COL4A2: variants seen among roughly 807,000 people sequenced by gnomAD.
COL4A2 encodes the protein collagen type IV alpha 2 chain, also known as collagen alpha-2(IV) chain.
In COL4A2, 99 loss-of-function variants were observed where a neutral mutation model predicts 200.2. That is an observed-to-expected ratio of 0.49 (90% CI 0.42 to 0.58). The LOEUF is 0.58. COL4A2 is among the 20% of genes least tolerant of loss of function. COL4A2 has a pLI of 0.00. For missense variants in COL4A2, 1,950 were observed against 2,314.1 expected (o/e 0.84, Z 3.23); for synonymous variants, 897 against 900.6 (o/e 1.00, Z 0.07).
intron 4 of COL4A2, among the ~76,000 whole-genome samples, chr13:110,367,448 G>A (rs893673861): frequency 6.6e-6 from 1 of 152,168 alleles, no homozygotes; most frequent in Non-Finnish European, 1.5e-5. Context: ...CTATAGTTAG[G>A]TTGGTCTCTC....
chr13:110,313,573 G>A (rs1430044162), intron 3 of COL4A2, among the ~76,000 whole-genome samples: 6 of 61,342 alleles, frequency 9.8e-5, no homozygotes, highest in South Asian at 6.0e-4. Flanking sequence ...CCACCCCAGT[G>A]CCCCGTGTCC....
In COL4A2 at chr13:110,459,063, TAAACCATTCTAA is replaced by T. The variant is rs1594083856; in HGVS notation, c.1596+135_1596+146del. 8.8e-6 allele frequency: 8 copies of T among 913,488 alleles called. No homozygotes were observed. In the East Asian group the frequency reaches 2.4e-4, roughly 27 times the overall value. 56.6% of individuals were successfully genotyped at this position (913,488 alleles called of 1,614,324 possible). A position where few individuals can be genotyped will look rare whatever the true frequency, so the allele number is the denominator to read the frequency against. ...AACACTCATGGACCCAAGGCATGGC[TAAACCATTCTAA>T]AAACCCACATACCCCAAGGCGGACT... On this transcript the variant is annotated intron_variant, in intron 22 of 47. Transcript: ENST00000360467.
chr13:110,504,302 T>C lies in COL4A2; in HGVS notation c.4402+38T>C, dbSNP rs375444334. The C allele has an allele frequency of 1.5e-5, 23 of 1,516,442 alleles. No homozygotes were observed. In the East Asian group the frequency reaches 1.8e-4, roughly 12 times the overall value. 93.9% of individuals were successfully genotyped at this position (1,516,442 alleles called of 1,614,324 possible). A position where few individuals can be genotyped will look rare whatever the true frequency, so the allele number is the denominator to read the frequency against. ...GGGGAAGGACCTTCCCAGGTCCTAG[T>C]GCTCTGGATCTGACTCACAGACTGT... On this transcript the variant is annotated intron_variant, in intron 45 of 47. Transcript: ENST00000360467.
chr13:110,335,618 A>T (rs1876146805), intron 3 of COL4A2, among the ~76,000 whole-genome samples: 1 of 152,134 alleles, frequency 6.6e-6, no homozygotes, highest in South Asian at 2.1e-4. Flanking sequence ...GGACTAATAC[A>T]GCTCCCTTGG....
chr13:110,328,258 A>G (rs577718914), intron 3 of COL4A2: 1 of 152,372 alleles, frequency 6.6e-6, no homozygotes, highest in South Asian at 2.1e-4. Flanking sequence ...TCGGAGGACC[A>G]TGAGTTCCTT....
chr13:110,460,091 T>G (rs1159536836), intron 22 of COL4A2, among the ~76,000 whole-genome samples: 1 of 152,202 alleles, frequency 6.6e-6, no homozygotes, highest in Non-Finnish European at 1.5e-5. Context: ...TCTGGGAAAT[T>G]TATAAAGCAA....
intron 4 of COL4A2, among the ~76,000 whole-genome samples, chr13:110,379,627 C>A (rs145131556): frequency 0.01 from 1,578 of 152,328 alleles, 15 homozygotes; most frequent in Non-Finnish European, 0.014. Flanking sequence ...GGTGCACAGA[C>A]CATGGAGCTG....
intron 4 of COL4A2, among the ~76,000 whole-genome samples, chr13:110,424,154 C>T (rs769656982): frequency 7.9e-5 from 12 of 152,060 alleles, no homozygotes; most frequent in Non-Finnish European, 1.0e-4. Context: ...CCACCAGCAG[C>T]GCACGGAGAT....
At chr13:110,396,480 A>C (rs1879187223) in intron 4 of COL4A2, among the ~76,000 whole-genome samples, 1 of 152,176 alleles carries the variant, frequency 6.6e-6, no homozygotes, top group Non-Finnish European at 1.5e-5. Flanking sequence ...CCTGGACTTC[A>C]GCTGAGGCAG....
At chr13:110,373,709 G>A (rs1323995125) in intron 4 of COL4A2, among the ~76,000 whole-genome samples, 2 of 152,154 alleles carry the variant, frequency 1.3e-5, no homozygotes, top group East Asian at 1.9e-4. Flanking sequence ...AGAAATCCAG[G>A]GCATCCCTAA....
In COL4A2 at chr13:110,495,501, C is replaced by T. The variant is rs1416276284; in HGVS notation, c.3760+34C>T. ...ACACATTCCAAGCCAACATTGCCGT[C>T]CCAGTAACCAGAACCCACCCAGAGG... On this transcript the variant is annotated intron_variant, in intron 40 of 47. Coordinates refer to ENST00000360467, the MANE Select transcript of COL4A2 (RefSeq NM_001846.4). The T allele has an allele frequency of 2.5e-6, 4 of 1,603,542 alleles. No individual in the cohort carries two copies. The African/African-American group carries it at 5.4e-5, about 22-fold the overall frequency.
chr13:110,352,265 C>T (rs567320866), intron 3 of COL4A2, among the ~76,000 whole-genome samples: 6 of 152,294 alleles, frequency 3.9e-5, no homozygotes, highest in Non-Finnish European at 8.8e-5. Flanking sequence ...TGGAGCATAG[C>T]AGAGCCCTAG....
At chr13:110,358,655 T>G (rs1159165291) in intron 4 of COL4A2, among the ~76,000 whole-genome samples, 1 of 152,192 alleles carries the variant, frequency 6.6e-6, no homozygotes, top group Non-Finnish European at 1.5e-5. Context: ...GGTGTCATCT[T>G]AGGGCACCAC....
At chr13:110,445,025 A>G (rs964383080) in intron 16 of COL4A2, among the ~76,000 whole-genome samples, 1 of 151,950 alleles carries the variant, frequency 6.6e-6, no homozygotes, top group South Asian at 2.1e-4. Context: ...TACATTATGT[A>G]TTTTTTGTAG....
At chr13:110,469,801 T>C (rs1297976305) in intron 28 of COL4A2, among the ~76,000 whole-genome samples, 1 of 151,994 alleles carries the variant, frequency 6.6e-6, no homozygotes, top group Non-Finnish European at 1.5e-5. Context: ...GTCAGCATGC[T>C]CTGGAATGCA....
chr13:110,369,196 C>T (rs1043888254), intron 4 of COL4A2, among the ~76,000 whole-genome samples: 27 of 150,408 alleles, frequency 1.8e-4, no homozygotes, highest in African/African-American at 6.1e-4. Context: ...GGTAATAGAG[C>T]GAGACTCTGT....
At chr13:110,487,000 T>C (rs1883138690) in intron 34 of COL4A2, among the ~76,000 whole-genome samples, 2 of 152,218 alleles carry the variant, frequency 1.3e-5, no homozygotes, top group Admixed American at 6.5e-5. Context: ...GGCCTGACAG[T>C]GTGAACCCTT....
intron 4 of COL4A2, among the ~76,000 whole-genome samples, chr13:110,417,000 G>A (rs1399571153): frequency 8.9e-6 from 1 of 112,124 alleles, no homozygotes; most frequent in Non-Finnish European, 1.8e-5. Context: ...TTTTTTTTTT[G>A]AGACAGAGTC....
intron 10 of COL4A2, among the ~76,000 whole-genome samples, chr13:110,431,338 C>T (rs770077248): frequency 3.3e-5 from 5 of 152,178 alleles, no homozygotes; most frequent in African/African-American, 1.2e-4. Context: ...AGTTCCTTGA[C>T]AGATACTGAG....
Sources: allele counts gnomAD v4.1 joint callset (sites outside exome capture counted in the v4.1 genomes callset), GRCh38; gene constraint gnomAD v4.1.1; transcripts MANE v1.5; gene names NCBI Gene and HGNC (gene_info 2026-07-23, HGNC 2026-07-21).